RNF114: variants seen among roughly 807,000 people sequenced by gnomAD.
RNF114 encodes the protein ring finger protein 114.
RNF114 carries 6 observed loss-of-function variants against 28.4 expected under a neutral mutation model. The ratio of observed to expected loss-of-function variants is 0.21; its 90% confidence interval spans 0.12 to 0.42. The LOEUF (loss-of-function observed/expected upper bound fraction) is 0.42, where lower values mean the gene tolerates loss of function less well. RNF114 is among the 10% of genes least tolerant of loss of function. The pLI, the probability that RNF114 is intolerant of heterozygous loss-of-function variation, is 1.00. For synonymous variants in RNF114, 115 were observed against 116.7 expected, an observed-to-expected ratio of 0.99 and a Z score of 0.09; for missense variants, 249 against 311.7, an observed-to-expected ratio of 0.80 and a Z score of 1.51.
chr20:49,945,706 C>T (rs1255330671), intron 3 of RNF114, among the ~76,000 whole-genome samples: 1 of 152,172 alleles, frequency 6.6e-6, no homozygotes, highest in Non-Finnish European at 1.5e-5. Context: ...CGCTCTGTTG[C>T]CCAGGCTGGT....
At chr20:49,946,967 C>T (rs2090334199) in intron 4 of RNF114, among the ~76,000 whole-genome samples, 1 of 151,834 alleles carries the variant, frequency 6.6e-6, no homozygotes, top group South Asian at 2.1e-4. Context: ...CACCTGTAAT[C>T]CCAGCACTTT....
intron 1 of RNF114, among the ~76,000 whole-genome samples, chr20:49,940,412 CTT>C (rs373298495): frequency 1.1e-4 from 14 of 125,114 alleles, no homozygotes; most frequent in Admixed American, 1.6e-4. Flanking sequence ...CATCTGAACC[CTT>C]TTTTTTTTTT....
chr20:49,941,953 C>T (rs1436932600), intron 2 of RNF114: 2 of 469,278 alleles, frequency 4.3e-6, no homozygotes, highest in South Asian at 3.2e-5. Flanking sequence ...AATCAGTTAT[C>T]CCAGTTTTTT....
In RNF114 at chr20:49,950,698, A is replaced by AC. The variant is rs1347064599; in HGVS notation, c.621+1343_621+1344insC. 1.1e-4 allele frequency among the ~76,000 whole-genome samples: 16 copies of AC among 151,548 alleles called. 1 individual carries two copies. ...ACCCTGTCTCAAAAAAAAAAAAAAA[A>AC]AACAAAACACACACACACAACAACA... On this transcript the variant is annotated intron_variant, in intron 5 of 5. Transcript: ENST00000244061.
intron 4 of RNF114, 121 bp from the exon 5 acceptor site, chr20:49,949,127 A>C (rs2090346107): frequency 2.7e-6 from 2 of 729,096 alleles, no homozygotes; most frequent in Non-Finnish European, 4.8e-6. Flanking sequence ...GGAAGGAGTT[A>C]CTGGCCCTGG....
At chr20:49,940,615 G>A (rs373466109) in intron 1 of RNF114, among the ~76,000 whole-genome samples, 19 of 151,534 alleles carry the variant, frequency 1.3e-4, no homozygotes, top group African/African-American at 4.4e-4. Flanking sequence ...GGGTTTCACT[G>A]TGTTAGCCAG....
At chr20:49,936,938 T>C (rs2090289556) in intron 1 of RNF114, among the ~76,000 whole-genome samples, 1 of 152,150 alleles carries the variant, frequency 6.6e-6, no homozygotes, top group Non-Finnish European at 1.5e-5. Context: ...GCATAGGACA[T>C]TTGGCGTCGT....
intron 5 of RNF114, among the ~76,000 whole-genome samples, chr20:49,951,518 C>A (rs2281217): frequency 6.6e-6 from 1 of 151,868 alleles, no homozygotes; most frequent in Non-Finnish European, 1.5e-5. Flanking sequence ...TCTGTGCCAG[C>A]CTCCATTCGT....
chr20:49,949,408 C>CT, intron 5 of RNF114, 53 bp downstream of exon 5: 1 of 1,435,776 alleles, frequency 7.0e-7, no homozygotes, highest in Admixed American at 1.7e-5. Context: ...GGCACGGCTA[C>CT]TTCACTCTTC....
chr20:49,938,666 A>G (rs1440553944), intron 1 of RNF114, among the ~76,000 whole-genome samples: 1 of 152,206 alleles, frequency 6.6e-6, no homozygotes, highest in Non-Finnish European at 1.5e-5. Context: ...CTGAACTAGA[A>G]AAGGGCGCAT....
At chr20:49,949,086 G>A (rs1273777287) in intron 4 of RNF114, among the ~76,000 whole-genome samples, 162 bp from the exon 5 acceptor site, 1 of 152,174 alleles carries the variant, frequency 6.6e-6, no homozygotes, top group African/African-American at 2.4e-5. Context: ...CTGGAAATTT[G>A]CAGTGTTTTT....
intron 3 of RNF114, among the ~76,000 whole-genome samples, chr20:49,945,925 C>A (rs1054491646): frequency 7.2e-5 from 11 of 152,176 alleles, no homozygotes; most frequent in African/African-American, 1.7e-4. Context: ...TTTGGCCTCC[C>A]AAAGTGCTGC....
At chr20:49,941,533 CAG>C (rs2090307599) in intron 1 of RNF114, 26 bp from the exon 2 acceptor site, 1 of 1,550,984 alleles carries the variant, frequency 6.4e-7, no homozygotes, top group East Asian at 2.3e-5. Context: ...TGATGCGTGA[CAG>C]AGGTTCTCTG....
intron 4 of RNF114, among the ~76,000 whole-genome samples, chr20:49,948,574 AC>A (rs3215516): frequency 0.037 from 5,609 of 152,050 alleles, 146 homozygotes; most frequent in East Asian, 0.092. Context: ...GGTAGCTGGG[AC>A]TACAGGCGTG....
At chr20:49,951,309 CAAAAATGACTCATTAAAAATGAGTCCT>C (rs1270668894) in intron 5 of RNF114, among the ~76,000 whole-genome samples, 7 of 150,832 alleles carry the variant, frequency 4.6e-5, no homozygotes, top group African/African-American at 9.8e-5. Flanking sequence ...GTCACATTAA[CAAAAATGACTCATTAAAAATGAGTCCT>C]AAAAATGACT....
chr20:49,943,871 GAGATATATAT>G (rs1445444794), intron 2 of RNF114: 1 of 65,542 alleles, frequency 1.5e-5, no homozygotes, highest in African/African-American at 6.9e-5. Context: ...CATACACACA[GAGATATATAT>G]ATATATATAT....
chr20:49,942,903 A>G (rs533532950), intron 2 of RNF114, among the ~76,000 whole-genome samples: 1 of 152,346 alleles, frequency 6.6e-6, no homozygotes, highest in South Asian at 2.1e-4. Flanking sequence ...ATTTTTACCA[A>G]CCAAGTTGTA....
chr20:49,938,378 G>A (rs947016302), intron 1 of RNF114, among the ~76,000 whole-genome samples: 6 of 152,180 alleles, frequency 3.9e-5, no homozygotes, highest in Admixed American at 1.3e-4. Flanking sequence ...GCAAATTGAA[G>A]ACAGATGGAA....
chr20:49,939,572 G>C (rs1439117850), intron 1 of RNF114, among the ~76,000 whole-genome samples: 1 of 152,102 alleles, frequency 6.6e-6, no homozygotes, highest in Non-Finnish European at 1.5e-5. Context: ...CTTCAGGATA[G>C]GAACTCGGTC....
Sources: gnomAD v4.1 joint callset for allele counts (sites outside exome capture counted in the v4.1 genomes callset) on GRCh38, gnomAD v4.1.1 for gene constraint, MANE v1.5 for transcripts, NCBI Gene and HGNC (gene_info 2026-07-23, HGNC 2026-07-21) for gene names.